The following ARHGEF4 variants were observed in gnomAD, a reference collection of about 807,000 sequenced individuals.
ARHGEF4 encodes APC-stimulated guanine nucleotide exchange factor 1.
Under a neutral mutation model 162.0 loss-of-function variants are expected in ARHGEF4, and 119 were observed. The ratio of observed to expected loss-of-function variants is 0.73; its 90% CI spans 0.63 to 0.86. The LOEUF (loss-of-function observed/expected upper bound fraction) is 0.86, where lower values mean the gene tolerates loss of function less well. ARHGEF4 is among the 40% of genes least tolerant of loss of function. The pLI, the probability that ARHGEF4 is intolerant of heterozygous loss-of-function variation, is 0.00. For synonymous variants in ARHGEF4, 1,014 were observed against 979.9 expected, an observed-to-expected ratio of 1.03 and a Z score of -0.65; for missense variants, 2,488 against 2,456.0, an observed-to-expected ratio of 1.01 and a Z score of -0.28.
In ARHGEF4 at chr2:130,915,694, T is replaced by A. The variant is rs1483414253; in HGVS notation, c.1748T>A (p.Leu583Ter). The change falls in exon 2 of 14, where the codon TTG (leucine) becomes TAG (stop). Residue 583 changes from leucine to a stop codon, truncating the protein, a stop_gained. Coordinates refer to ENST00000409359, the MANE Select transcript of ARHGEF4 (RefSeq NM_001367493.1). LOFTEE classifies it high-confidence loss of function. ...VLDPNYREQA[L>*]QGLSEFKAAT... Reference sequence around the variant, plus strand: ...GACCCCAACTACAGGGAACAGGCTTTGCAAGGTCTTTCAGAATTCAAGGCA... The same window carrying A: ...GACCCCAACTACAGGGAACAGGCTTAGCAAGGTCTTTCAGAATTCAAGGCA... The A allele has an allele frequency of 6.5e-7, 1 of 1,550,130 alleles. No individual in the cohort carries two copies. Among genetic ancestry groups the A allele is most frequent in the Non-Finnish European group, 8.7e-7 (1 of 1,146,924 alleles).
Position 130,916,247 on chromosome 2 carries a change from C to A in ARHGEF4, c.2301C>A (p.Pro767=). 1 of 1,527,076 alleles carries A rather than the reference C, an allele frequency of 6.5e-7. No homozygotes were observed. The highest frequency in any genetic ancestry group is 8.8e-7 in the Non-Finnish European group (1 of 1,138,990). 94.6% of individuals were successfully genotyped at this position (1,527,076 alleles called of 1,614,324 possible). A position where few individuals can be genotyped will look rare whatever the true frequency, so the allele number is the denominator to read the frequency against. The change falls in exon 2 of 14, where the codon CCC becomes CCA. Residue 767 remains proline (P), a synonymous_variant. Coordinates refer to ENST00000409359, the MANE Select transcript of ARHGEF4 (RefSeq NM_001367493.1). The stretch of plus-strand genomic sequence containing the variant: ...CTGCAGCAGCCCGGGGCCAGCGCCC[C>A]CGCGTCCCCGCCTTGGAGCCGCCCC... ...GGAAAARGQR[P]RVPALEPPQP...
Position 130,853,535 on chromosome 2 carries a change from G to C in ARHGEF4, c.39+16543G>C, listed in dbSNP as rs142289222. On this transcript the variant is annotated intron_variant, in intron 1 of 13. Coordinates refer to ENST00000409359, the MANE Select transcript of ARHGEF4 (RefSeq NM_001367493.1). Reference sequence around the variant, plus strand: ...CACAGGTGTTGTGAGGGAGGGGCATGTCTTCGCTCAGCAGGCCTGGGCCTC... The same window carrying C: ...CACAGGTGTTGTGAGGGAGGGGCATCTCTTCGCTCAGCAGGCCTGGGCCTC... Among the ~76,000 whole-genome samples, 806 of 152,340 alleles carry C rather than the reference G, an allele frequency of 5.3e-3. 6 individuals carry two copies. Among genetic ancestry groups the C allele is most frequent in the African/African-American group, 0.018 (743 of 41,564 alleles).
chr2:130,933,990 T>TC (rs139812916), intron 3 of ARHGEF4, among the ~76,000 whole-genome samples: 26,933 of 152,160 alleles, frequency 0.18, 2,478 homozygotes, highest in South Asian at 0.29. Flanking sequence ...AAATGGGGTG[T>TC]CGTTGTCTTC....
intron 1 of ARHGEF4, among the ~76,000 whole-genome samples, chr2:130,904,377 C>T (rs1424017430): frequency 6.6e-6 from 1 of 152,140 alleles, no homozygotes; most frequent in Non-Finnish European, 1.5e-5. Flanking sequence ...AGTATTGGGA[C>T]TTAGTGGGCC....
At chr2:131,007,802 T>TC (rs1352611154) in intron 4 of ARHGEF4, among the ~76,000 whole-genome samples, 1 of 80,366 alleles carries the variant, frequency 1.2e-5, no homozygotes, top group African/African-American at 6.5e-5. Flanking sequence ...TTTCTTTTCT[T>TC]TTTTTTTTTT....
At chr2:130,934,414 G>C (rs1682819373) in intron 3 of ARHGEF4, among the ~76,000 whole-genome samples, 1 of 152,044 alleles carries the variant, frequency 6.6e-6, no homozygotes, top group Non-Finnish European at 1.5e-5. Flanking sequence ...AAGCTTTCTG[G>C]TCCTGGGCTT....
chr2:130,973,400 G>A (rs1373034999), intron 4 of ARHGEF4, among the ~76,000 whole-genome samples: 1 of 152,158 alleles, frequency 6.6e-6, no homozygotes, highest in Non-Finnish European at 1.5e-5. Flanking sequence ...GAAGCAGGAG[G>A]ATTACTTGAA....
intron 4 of ARHGEF4, among the ~76,000 whole-genome samples, chr2:130,973,908 T>C (rs1685524096): frequency 6.6e-6 from 1 of 152,180 alleles, no homozygotes; most frequent in Admixed American, 6.5e-5. Context: ...GTGTTTGATT[T>C]TGGAAAGGCA....
intron 4 of ARHGEF4, among the ~76,000 whole-genome samples, chr2:131,000,061 A>G (rs375960946): frequency 2.6e-5 from 4 of 152,396 alleles, no homozygotes; most frequent in African/African-American, 9.6e-5. Context: ...AACTACCTGT[A>G]TTTAGGAATT....
intron 1 of ARHGEF4, among the ~76,000 whole-genome samples, chr2:130,839,603 G>A (rs909796003): frequency 6.6e-6 from 1 of 152,184 alleles, no homozygotes; most frequent in Admixed American, 6.5e-5. Context: ...CAGTCGGAGA[G>A]CCTGCACCTG....
chr2:131,000,155 T>C (rs919977329), intron 4 of ARHGEF4, among the ~76,000 whole-genome samples: 1 of 152,272 alleles, frequency 6.6e-6, no homozygotes, highest in African/African-American at 2.4e-5. Flanking sequence ...TTTCTTGTAA[T>C]GAAGGATTAA....
intron 1 of ARHGEF4, among the ~76,000 whole-genome samples, chr2:130,856,749 C>T (rs943712110): frequency 6.6e-6 from 1 of 152,072 alleles, no homozygotes; most frequent in African/African-American, 2.4e-5. Context: ...CGCATGTATA[C>T]ATATGTAACT....
At position 130,919,814 on chromosome 2, in the gene ARHGEF4, T is replaced by G. The variant is rs528208601; in HGVS notation, c.3552+2316T>G. Among the ~76,000 whole-genome samples, 57 of 151,584 alleles carry G rather than the reference T, an allele frequency of 3.8e-4. No individual in the cohort carries two copies. In the East Asian group the frequency reaches 0.01, roughly 27 times the overall value. On this transcript the variant is annotated intron_variant, in intron 2 of 13. Coordinates refer to ENST00000409359, the MANE Select transcript of ARHGEF4 (RefSeq NM_001367493.1). ...TCACTTGAATCCGGGAGGCAAAGGT[T>G]GCAGTGAGCCAAGATCACACCACTG...
At chr2:130,841,221 T>A (rs1400556431) in intron 1 of ARHGEF4, among the ~76,000 whole-genome samples, 1 of 152,068 alleles carries the variant, frequency 6.6e-6, no homozygotes, top group African/African-American at 2.4e-5. Context: ...CGCACCACCA[T>A]GCCTGACTAA....
intron 3 of ARHGEF4, among the ~76,000 whole-genome samples, chr2:130,932,802 G>A (rs1435127867): frequency 2.0e-5 from 3 of 151,984 alleles, no homozygotes; most frequent in African/African-American, 4.8e-5. Context: ...TTTAATTTTT[G>A]TATGGTATGA....
intron 4 of ARHGEF4, among the ~76,000 whole-genome samples, chr2:130,992,266 C>G (rs1004503414): frequency 1.3e-5 from 2 of 152,156 alleles, no homozygotes; most frequent in Non-Finnish European, 2.9e-5. Flanking sequence ...AGGCTGCCTG[C>G]GCTAGCACTG....
rs975036882 is a variant in ARHGEF4, at chr2:130,931,128, C to A, written c.3729C>A (p.Gly1243=). 2.5e-5 allele frequency: 40 copies of A among 1,614,108 alleles called. No homozygotes were observed. The highest frequency in any genetic ancestry group is 3.3e-5 in the Non-Finnish European group (39 of 1,180,046). ...VRGEAPSQPR[G]IPHRSPVSVD... is the part of the protein sequence containing the mutation. ...GGGAGGCTCCTTCACAGCCTAGGGG[C>A]ATCCCTCACCGCTCGCCCGTCAGTG... The change falls in exon 3 of 14, where the codon GGC becomes GGA. Residue 1243 remains glycine, a synonymous_variant. Transcript: ENST00000409359.
intron 4 of ARHGEF4, chr2:130,946,962 T>A: frequency 4.2e-6 from 1 of 235,412 alleles, no homozygotes; most frequent in Non-Finnish European, 8.8e-6. Context: ...CCGGGTGCGG[T>A]GGCTCATGCT....
At chr2:130,848,255 G>A (rs1341031012) in intron 1 of ARHGEF4, among the ~76,000 whole-genome samples, 3 of 152,196 alleles carry the variant, frequency 2.0e-5, no homozygotes, top group Non-Finnish European at 4.4e-5. Context: ...GGGCAGCAGG[G>A]CCTCAGGCCA....
Sources: gnomAD v4.1 joint callset for allele counts (sites outside exome capture counted in the v4.1 genomes callset) on GRCh38, gnomAD v4.1.1 for gene constraint, MANE v1.5 for transcripts, NCBI Gene and HGNC (gene_info 2026-07-23, HGNC 2026-07-21) for gene names.